The following RALYL variants were observed in gnomAD, a reference collection of about 807,000 sequenced individuals.
The protein encoded by RALYL is RALY RNA binding protein like, also known as RNA-binding Raly-like protein.
Under a neutral mutation model 35.1 loss-of-function variants are expected in RALYL, and 29 were observed. The observed-to-expected ratio is 0.83, with a 90% CI of 0.61 to 1.13. The LOEUF is 1.13. Ranked by LOEUF, RALYL falls within the 50% of genes most tolerant of loss-of-function variation. The pLI, the probability that RALYL is intolerant of heterozygous loss-of-function variation, is 0.00. For synonymous variants in RALYL, 120 were observed against 127.6 expected, an observed-to-expected ratio of 0.94 and a Z score of 0.40; for missense variants, 359 against 360.4, an observed-to-expected ratio of 1.00 and a Z score of 0.03.
chr8:84,310,023 A>G (rs1842469213), intron 1 of RALYL, among the ~76,000 whole-genome samples: 1 of 151,356 alleles, frequency 6.6e-6, no homozygotes, highest in South Asian at 2.1e-4. Context: ...CACAGCACCT[A>G]GCTGCTAAGT....
chr8:84,421,006 C>T (rs1314956613), intron 1 of RALYL, among the ~76,000 whole-genome samples: 1 of 117,720 alleles, frequency 8.5e-6, no homozygotes, highest in African/African-American at 3.7e-5. Context: ...GTTCTTTTGG[C>T]TTAGGATTGA....
intron 2 of RALYL, among the ~76,000 whole-genome samples, chr8:84,732,683 T>TATATATATATATATAC: frequency 1.2e-4 from 16 of 133,234 alleles, no homozygotes; most frequent in African/African-American, 4.6e-4. Context: ...TATATATATA[T>TATATATATATATATAC]ACACACACAC....
At chr8:84,218,671 G>A (rs1342718938) in intron 1 of RALYL, among the ~76,000 whole-genome samples, 1 of 152,032 alleles carries the variant, frequency 6.6e-6, no homozygotes. Context: ...GGAATTAGGT[G>A]CCTGTCCTGT....
chr8:84,772,903 C>T (rs1019936831), intron 2 of RALYL, among the ~76,000 whole-genome samples: 1 of 152,074 alleles, frequency 6.6e-6, no homozygotes, highest in African/African-American at 2.4e-5. Context: ...GATCTTAAAG[C>T]AAGTGTGCCC....
chr8:84,693,423 TCA>T (rs1293354515), intron 2 of RALYL, among the ~76,000 whole-genome samples: 1 of 151,880 alleles, frequency 6.6e-6, no homozygotes, highest in African/African-American at 2.4e-5. Flanking sequence ...TCATGAGAAC[TCA>T]CTATCACAAG....
At chr8:84,499,597 G>T (rs1425821819) in intron 1 of RALYL, among the ~76,000 whole-genome samples, 1 of 151,930 alleles carries the variant, frequency 6.6e-6, no homozygotes, top group African/African-American at 2.4e-5. Context: ...CCCAGGTAAG[G>T]CAAAGCCACC....
chr8:84,380,952 G>C (rs73298750), intron 1 of RALYL, among the ~76,000 whole-genome samples: 2 of 151,740 alleles, frequency 1.3e-5, no homozygotes, highest in Non-Finnish European at 2.9e-5. Context: ...ACAGAAGCTG[G>C]GTGGAGGGTG....
At chr8:84,576,169 C>A (rs1809378518) in intron 2 of RALYL, among the ~76,000 whole-genome samples, 1 of 151,844 alleles carries the variant, frequency 6.6e-6, no homozygotes, top group African/African-American at 2.4e-5. Context: ...TGTTTAAAAT[C>A]AAAACATTAA....
intron 2 of RALYL, among the ~76,000 whole-genome samples, chr8:84,734,093 A>G (rs1030676272): frequency 1.3e-5 from 2 of 152,184 alleles, no homozygotes; most frequent in Admixed American, 6.6e-5. Context: ...ATTTATGCAG[A>G]CAGACTGTAA....
At chr8:84,845,070 T>C (rs2134684426) in intron 4 of RALYL, among the ~76,000 whole-genome samples, 1 of 152,262 alleles carries the variant, frequency 6.6e-6, no homozygotes. Flanking sequence ...TATATGTATG[T>C]AACTAACCTG....
chr8:84,250,240 T>C lies in RALYL; in HGVS notation c.-24+65816T>C, dbSNP rs1829917302. ...AAAAAAATCTTTTTGAACTTCACATTACAATGAGCAACTGAGCAGATGGTA... is the reference window on the plus strand; with the variant it reads ...AAAAAAATCTTTTTGAACTTCACATCACAATGAGCAACTGAGCAGATGGTA... On this transcript the variant is annotated intron_variant, in intron 1 of 8. Coordinates refer to ENST00000521268, the MANE Select transcript of RALYL (RefSeq NM_173848.7). Among the ~76,000 whole-genome samples, 3 of 152,172 alleles carry C rather than the reference T, an allele frequency of 2.0e-5. No homozygotes were observed. The South Asian group carries it at 6.2e-4, about 31-fold the overall frequency.
At chr8:84,271,179 G>C (rs1019144229) in intron 1 of RALYL, among the ~76,000 whole-genome samples, 3 of 146,820 alleles carry the variant, frequency 2.0e-5, no homozygotes, top group African/African-American at 7.6e-5. Flanking sequence ...AAAAAAACAG[G>C]TGAAGAGGAA....
intron 1 of RALYL, among the ~76,000 whole-genome samples, chr8:84,248,773 T>C (rs1257826882): frequency 6.6e-6 from 1 of 152,106 alleles, no homozygotes; most frequent in Non-Finnish European, 1.5e-5. Flanking sequence ...ATTTATATGC[T>C]TCCAAAATGA....
intron 1 of RALYL, among the ~76,000 whole-genome samples, chr8:84,427,972 C>T (rs762389922): frequency 6.6e-6 from 1 of 152,100 alleles, no homozygotes; most frequent in South Asian, 2.1e-4. Context: ...AATCTATCTT[C>T]AAATCTGTAT....
intron 1 of RALYL, among the ~76,000 whole-genome samples, chr8:84,205,841 C>T (rs1490575815): frequency 6.6e-6 from 1 of 152,154 alleles, no homozygotes; most frequent in Non-Finnish European, 1.5e-5. Context: ...ACAGCAGAAC[C>T]TTAACTTTCT....
At chr8:84,392,058 C>T (rs145605632) in intron 1 of RALYL, among the ~76,000 whole-genome samples, 10 of 152,096 alleles carry the variant, frequency 6.6e-5, no homozygotes, top group African/African-American at 1.4e-4. Context: ...TCAGCAAGAA[C>T]GCACTTAAAA....
At chr8:84,371,347 G>A (rs1855638719) in intron 1 of RALYL, among the ~76,000 whole-genome samples, 1 of 151,898 alleles carries the variant, frequency 6.6e-6, no homozygotes, top group Non-Finnish European at 1.5e-5. Flanking sequence ...GATGCACGGT[G>A]ACATTCTGCG....
chr8:84,504,975 G>A (rs2057040574), intron 1 of RALYL, among the ~76,000 whole-genome samples: 1 of 152,122 alleles, frequency 6.6e-6, no homozygotes, highest in Admixed American at 6.6e-5. Flanking sequence ...CAATGGGGAA[G>A]AATTTAAACC....
At chr8:84,314,130 GT>G (rs1290076739) in intron 1 of RALYL, among the ~76,000 whole-genome samples, 1 of 152,030 alleles carries the variant, frequency 6.6e-6, no homozygotes, top group Non-Finnish European at 1.5e-5. Context: ...CAAGTGCAGG[GT>G]AAACACTGGA....
Sources: allele counts gnomAD v4.1 joint callset (sites outside exome capture counted in the v4.1 genomes callset), GRCh38; gene constraint gnomAD v4.1.1; transcripts MANE v1.5; gene names NCBI Gene and HGNC (gene_info 2026-07-23, HGNC 2026-07-21).